Variants in PPP6R3 observed in about 807,000 individuals in gnomAD.
PPP6R3 encodes the protein serine/threonine-protein phosphatase 6 regulatory subunit 3.
Under a neutral mutation model 110.7 loss-of-function variants are expected in PPP6R3, and 38 were observed. The observed-to-expected ratio is 0.34, with a 90% CI of 0.26 to 0.45. The LOEUF is 0.45. Ranked by LOEUF, PPP6R3 falls within the 20% of genes least tolerant of loss-of-function variation. The pLI is 1.00. For synonymous variants in PPP6R3, 369 were observed against 373.5 expected (o/e 0.99, Z 0.14); for missense variants, 870 against 1,062.4 (o/e 0.82, Z 2.52).
In PPP6R3 at chr11:68,551,202, T is replaced by G. The variant is rs755958964; in HGVS notation, c.618+16T>G. The G allele has an allele frequency of 6.3e-7, 1 of 1,590,246 alleles. No homozygotes were observed. The highest frequency in any genetic ancestry group is 8.6e-7 in the Non-Finnish European group (1 of 1,163,116). On this transcript the variant is annotated intron_variant, in intron 6 of 23. Coordinates refer to ENST00000393800, the MANE Select transcript of PPP6R3 (RefSeq NM_001164161.2). ...AGAAGAAGATGTAAGTTCACTTGTGTGACTGTAAACTTGATTAGAAAAAAA... is the reference window on the plus strand; with the variant it reads ...AGAAGAAGATGTAAGTTCACTTGTGGGACTGTAAACTTGATTAGAAAAAAA...
At chr11:68,599,916 T>G (rs576474980) in intron 19 of PPP6R3, among the ~76,000 whole-genome samples, 14 of 152,172 alleles carry the variant, frequency 9.2e-5, no homozygotes, top group East Asian at 5.8e-4. Flanking sequence ...GAGGTCGGGA[T>G]ATTGAGACCA....
At chr11:68,475,520 G>C (rs899080826) in intron 1 of PPP6R3, among the ~76,000 whole-genome samples, 3 of 151,658 alleles carry the variant, frequency 2.0e-5, no homozygotes, top group African/African-American at 7.3e-5. Flanking sequence ...CCTCCCGGAC[G>C]GGGCAGCGGC....
chr11:68,585,945 C>T (rs2099577189), intron 15 of PPP6R3, among the ~76,000 whole-genome samples: 1 of 152,012 alleles, frequency 6.6e-6, no homozygotes, highest in Non-Finnish European at 1.5e-5. Flanking sequence ...CCAGGAGAAT[C>T]ACATTAGGAT....
At chr11:68,549,316 A>G (rs1352873998) in intron 5 of PPP6R3, among the ~76,000 whole-genome samples, 1 of 152,194 alleles carries the variant, frequency 6.6e-6, no homozygotes. Context: ...TGAGAATGCT[A>G]ATTGTTATTT....
rs192822278 is a variant in PPP6R3, at chr11:68,546,390, A to G, written c.414+1366A>G. Among the ~76,000 whole-genome samples the G allele has an allele frequency of 3.3e-5, 5 of 152,286 alleles. No homozygotes were observed. The East Asian group carries it at 7.7e-4, about 23-fold the overall frequency. ...CCTCACTTCTGTGCTGTTGGAATCC[A>G]AGTTGGCGAGCCCCGATTTTCAGTG... On this transcript the variant is annotated intron_variant, in intron 4 of 23. Transcript: ENST00000393800.
chr11:68,543,193 G>C (rs2099328612), intron 3 of PPP6R3, among the ~76,000 whole-genome samples: 1 of 152,154 alleles, frequency 6.6e-6, no homozygotes, highest in Admixed American at 6.5e-5. Flanking sequence ...TAAGTAACTT[G>C]TCCAAGGTTA....
At chr11:68,603,303 G>A (rs747075992) in intron 21 of PPP6R3, 39 bp from the exon 22 acceptor site, 6 of 1,608,184 alleles carry the variant, frequency 3.7e-6, no homozygotes, top group East Asian at 2.2e-5. Context: ...GTTCCTTTTC[G>A]GGCTTGCTGT....
At chr11:68,543,509 G>T (rs2099329962) in intron 3 of PPP6R3, among the ~76,000 whole-genome samples, 1 of 151,946 alleles carries the variant, frequency 6.6e-6, no homozygotes, top group Admixed American at 6.6e-5. Context: ...CAAGTGCCGT[G>T]GCTTTCTGGT....
rs2099637590 is a variant in PPP6R3, at chr11:68,603,326, G to C, written c.2300-16G>C. ...TCGGGCTTGCTGTGTGTGACCATCA[G>C]CTGTGTTCTTTTCAGCGGCAGGCAG... On this transcript the variant is annotated splice_polypyrimidine_tract_variant and intron_variant, in intron 21 of 23. Transcript: ENST00000393800. 1 of 1,613,258 alleles carries C rather than the reference G, an allele frequency of 6.2e-7. No individual in the cohort carries two copies. The highest frequency in any genetic ancestry group is 1.3e-5 in the African/African-American group (1 of 74,992).
At chr11:68,536,389 G>A (rs2099271121) in intron 2 of PPP6R3, among the ~76,000 whole-genome samples, 1 of 151,888 alleles carries the variant, frequency 6.6e-6, no homozygotes. Context: ...CTTAGTAGCT[G>A]GTACTACAGG....
intron 1 of PPP6R3, among the ~76,000 whole-genome samples, chr11:68,509,054 G>A (rs2099094070): frequency 6.6e-6 from 1 of 152,184 alleles, no homozygotes; most frequent in African/African-American, 2.4e-5. Flanking sequence ...AGTCTTCCTC[G>A]TTAGCTTCCA....
intron 19 of PPP6R3, among the ~76,000 whole-genome samples, chr11:68,599,502 C>T (rs1274272654): frequency 6.6e-6 from 1 of 152,248 alleles, no homozygotes; most frequent in Admixed American, 6.5e-5. Context: ...CTTAGGAAGC[C>T]TAACTGCAGT....
intron 2 of PPP6R3, among the ~76,000 whole-genome samples, chr11:68,530,045 T>A (rs2099228102): frequency 6.6e-6 from 1 of 152,250 alleles, no homozygotes; most frequent in African/African-American, 2.4e-5. Context: ...TTTGGAAGAC[T>A]TAGTACCAAA....
At chr11:68,530,903 G>T (rs766312909) in intron 2 of PPP6R3, among the ~76,000 whole-genome samples, 15 of 152,234 alleles carry the variant, frequency 9.9e-5, no homozygotes, top group African/African-American at 3.1e-4. Flanking sequence ...ATTCATTGAC[G>T]ATCTTGTCAT....
In PPP6R3 at chr11:68,590,697, C is replaced by T. The variant is rs201158783; in HGVS notation, c.1768C>T (p.Leu590Phe). ...TCGAGTATCAGACATCAACTTTACT[C>T]TCAATACAAATGAAAGTGTAAGTAT... ...FDRVSDINFT[L>F]NTNESGNIAL... The change falls in exon 17 of 24, where the codon CTC becomes TTC. Residue 590 changes from leucine (L) to phenylalanine (F), a missense_variant. Coordinates refer to ENST00000393800, the MANE Select transcript of PPP6R3 (RefSeq NM_001164161.2). 1.3e-6 allele frequency: 2 copies of T among 1,593,482 alleles called. No homozygotes were observed. Among genetic ancestry groups the T allele is most frequent in the African/African-American group, 1.3e-5 (1 of 74,826 alleles).
intron 1 of PPP6R3, among the ~76,000 whole-genome samples, chr11:68,503,996 C>T (rs1438215387): frequency 2.6e-5 from 4 of 152,136 alleles, no homozygotes; most frequent in African/African-American, 4.8e-5. Context: ...CGTGGAGAGC[C>T]ACTTGGCCAT....
At chr11:68,472,635 A>G (rs1201280415) in intron 1 of PPP6R3, among the ~76,000 whole-genome samples, 1 of 151,116 alleles carries the variant, frequency 6.6e-6, no homozygotes, top group Non-Finnish European at 1.5e-5. Context: ...TTTTTTAATG[A>G]CAACATTATT....
Position 68,613,755 on chromosome 11 carries a change from AAAGT to A in PPP6R3, c.*640_*643del. 2.0e-6 allele frequency: 1 copy of A among 507,778 alleles called. No homozygotes were observed. Among genetic ancestry groups the A allele is most frequent in the Non-Finnish European group, 2.3e-6 (1 of 434,822 alleles). The allele number at this position is 507,778 out of a possible 1,614,324, so 31.5% of individuals were successfully genotyped here. On this transcript the variant is annotated 3_prime_UTR_variant, in exon 24 of 24. Transcript: ENST00000393800. ...GTAAGTCTATTGGTAGAGATTAAGT[AAAGT>A]ATTTATTGCTACATCATAGTTGATA...
chr11:68,480,998 C>T (rs2098905584), intron 1 of PPP6R3, among the ~76,000 whole-genome samples: 1 of 151,994 alleles, frequency 6.6e-6, no homozygotes, highest in African/African-American at 2.4e-5. Flanking sequence ...AACATTGACT[C>T]CAGCCAAGTA....
Sources: allele counts gnomAD v4.1 joint callset (sites outside exome capture counted in the v4.1 genomes callset), GRCh38; gene constraint gnomAD v4.1.1; transcripts MANE v1.5; gene names NCBI Gene and HGNC (gene_info 2026-07-23, HGNC 2026-07-21).